Variants in ABTB3 observed in about 807,000 individuals in gnomAD.
ABTB3 encodes ankyrin repeat and BTB domain containing 3.
the ABTB3 span, among the ~76,000 whole-genome samples, chr12:107,637,492 G>A: frequency 2.2e-4 from 33 of 152,214 alleles, no homozygotes; most frequent in African/African-American, 7.7e-4. Flanking sequence ...GCAGACCTGA[G>A]AGGCTCAAAG....
the ABTB3 span, among the ~76,000 whole-genome samples, chr12:107,595,099 T>C: frequency 6.6e-6 from 1 of 152,114 alleles, no homozygotes; most frequent in Non-Finnish European, 1.5e-5. Flanking sequence ...CAAACCTAAA[T>C]GTGTTCATAG....
the ABTB3 span, among the ~76,000 whole-genome samples, chr12:107,539,492 CA>C: frequency 6.6e-6 from 1 of 152,158 alleles, no homozygotes; most frequent in African/African-American, 2.4e-5. Flanking sequence ...GAAGCAGTAG[CA>C]GCTAAGGATC....
At chr12:107,412,522 G>A in the ABTB3 span, among the ~76,000 whole-genome samples, 2 of 152,158 alleles carry the variant, frequency 1.3e-5, no homozygotes, top group African/African-American at 4.8e-5. Flanking sequence ...GTTGGAGCGT[G>A]GGCCTTAAGA....
chr12:107,646,509 T>C, the ABTB3 span, among the ~76,000 whole-genome samples: 1 of 152,166 alleles, frequency 6.6e-6, no homozygotes, highest in Non-Finnish European at 1.5e-5. Context: ...ATCCCAACAT[T>C]TGCTGACTTG....
At chr12:107,501,394 AAAAACAAG>A in the ABTB3 span, among the ~76,000 whole-genome samples, 54,792 of 150,208 alleles carry the variant, frequency 0.36, 11,988 homozygotes, top group African/African-American at 0.62. Context: ...AGTAAAAAAA[AAAAACAAG>A]AAAACAAGGG....
the ABTB3 span, among the ~76,000 whole-genome samples, chr12:107,394,313 A>G: frequency 6.6e-6 from 1 of 152,202 alleles, no homozygotes; most frequent in African/African-American, 2.4e-5. Flanking sequence ...TCAAACTAAG[A>G]ACTATAGAGA....
chr12:107,394,588 G>A, the ABTB3 span, among the ~76,000 whole-genome samples: 21,048 of 152,186 alleles, frequency 0.14, 1,851 homozygotes, highest in East Asian at 0.43. Flanking sequence ...GGGCTTTAGA[G>A]CCAAATGACA....
the ABTB3 span, among the ~76,000 whole-genome samples, chr12:107,445,330 C>G: frequency 6.6e-6 from 1 of 152,180 alleles, no homozygotes; most frequent in East Asian, 1.9e-4. Flanking sequence ...ACTGAATAGG[C>G]ATTTATTGCA....
At chr12:107,503,928 A>G in the ABTB3 span, among the ~76,000 whole-genome samples, 3 of 152,114 alleles carry the variant, frequency 2.0e-5, no homozygotes, top group African/African-American at 7.2e-5. Flanking sequence ...GGCTACTTTC[A>G]TGTAGTTTTT....
At chr12:107,318,619 AG>A in the ABTB3 span, 2 of 237,442 alleles carry the variant, frequency 8.4e-6, no homozygotes, top group African/African-American at 4.5e-5. Context: ...AGCGGGGCTC[AG>A]GGAAGAGCGG....
chr12:107,460,478 A>G, the ABTB3 span, among the ~76,000 whole-genome samples: 1 of 152,188 alleles, frequency 6.6e-6, no homozygotes, highest in Non-Finnish European at 1.5e-5. Context: ...AACATGACGA[A>G]ACCACGCCTC....
At chr12:107,524,477 A>G in the ABTB3 span, among the ~76,000 whole-genome samples, 1 of 152,164 alleles carries the variant, frequency 6.6e-6, no homozygotes. Context: ...GCTCTTGTTG[A>G]AACAGGGACA....
At chr12:107,578,726 T>C in the ABTB3 span, among the ~76,000 whole-genome samples, 2 of 152,178 alleles carry the variant, frequency 1.3e-5, no homozygotes, top group Non-Finnish European at 2.9e-5. Context: ...CGTGTGTTTA[T>C]TGAGTGCCTG....
At chr12:107,536,744 C>T in the ABTB3 span, among the ~76,000 whole-genome samples, 1 of 151,976 alleles carries the variant, frequency 6.6e-6, no homozygotes, top group African/African-American at 2.4e-5. Flanking sequence ...CTGGCAAGGA[C>T]GTAGAGCAAA....
At chr12:107,649,146 C>A in the ABTB3 span, 7 of 1,485,276 alleles carry the variant, frequency 4.7e-6, no homozygotes, top group South Asian at 6.9e-5. Context: ...GGGCATCCAC[C>A]GAATGGCTTT....
chr12:107,381,405 T>A, the ABTB3 span, among the ~76,000 whole-genome samples: 2 of 152,214 alleles, frequency 1.3e-5, no homozygotes, highest in Non-Finnish European at 2.9e-5. Flanking sequence ...GGATGCCAAG[T>A]GGGCATCTGA....
the ABTB3 span, among the ~76,000 whole-genome samples, chr12:107,645,376 C>A: frequency 6.6e-6 from 1 of 152,146 alleles, no homozygotes; most frequent in Non-Finnish European, 1.5e-5. Flanking sequence ...AGCTGCCCTG[C>A]GAGGTAGCCA....
the ABTB3 span, among the ~76,000 whole-genome samples, chr12:107,463,838 C>G: frequency 6.6e-6 from 1 of 152,186 alleles, no homozygotes; most frequent in East Asian, 1.9e-4. Flanking sequence ...CAACCAGCCT[C>G]CCTTTCAATC....
chr12:107,502,815 T>A, the ABTB3 span, among the ~76,000 whole-genome samples: 15 of 152,202 alleles, frequency 9.9e-5, no homozygotes, highest in East Asian at 2.9e-3. Flanking sequence ...GCCTGATGAT[T>A]TGAGGTGGAA....
Sources: gnomAD v4.1 joint callset for allele counts (sites outside exome capture counted in the v4.1 genomes callset) on GRCh38, gnomAD v4.1.1 for gene constraint, MANE v1.5 for transcripts, NCBI Gene and HGNC (gene_info 2026-07-23, HGNC 2026-07-21) for gene names.